SPNS3: variants seen among roughly 807,000 people sequenced by gnomAD.
SPNS3 encodes SPNS lysolipid transporter 3, sphingosine-1-phosphate (putative).
A neutral mutation model predicts 54.4 loss-of-function variants in SPNS3; 51 were observed. The ratio of observed to expected loss-of-function variants is 0.94; its 90% CI spans 0.75 to 1.18. The LOEUF is 1.18. Among genes scored for constraint, SPNS3 ranks in the 50% most tolerant of loss-of-function variants. SPNS3 has a pLI of 0.00. For missense variants in SPNS3, 669 were observed against 677.4 expected, an observed-to-expected ratio of 0.99 and a Z score of 0.14; for synonymous variants, 309 against 294.7, an observed-to-expected ratio of 1.05 and a Z score of -0.50.
intron 8 of SPNS3, among the ~76,000 whole-genome samples, chr17:4,455,689 C>G (rs939795636): frequency 6.6e-6 from 1 of 152,204 alleles, no homozygotes; most frequent in African/African-American, 2.4e-5. Flanking sequence ...TCCCCTCCCA[C>G]GACACTGCAG....
At chr17:4,468,712 C>CTT (rs1344340691) in intron 8 of SPNS3, among the ~76,000 whole-genome samples, 5 of 114,582 alleles carry the variant, frequency 4.4e-5, no homozygotes, top group Non-Finnish European at 8.0e-5. Context: ...TTATTTCTCT[C>CTT]TCTCTTTCTT....
intron 8 of SPNS3, among the ~76,000 whole-genome samples, chr17:4,471,380 A>G (rs1567571482): frequency 6.6e-6 from 1 of 152,130 alleles, no homozygotes; most frequent in Non-Finnish European, 1.5e-5. Context: ...ATGATTAAGG[A>G]GTTTTTATCT....
rs749668966 is a variant in SPNS3, at chr17:4,487,864, G to A, written c.1509G>A (p.Ser503=). 1.1e-5 allele frequency: 18 copies of A among 1,613,968 alleles called. No homozygotes were observed. The East Asian group carries it at 1.3e-4, about 12-fold the overall frequency. The part of the protein sequence containing the change: ...SNDLERQGLL[S]GAGASTEEP ...ACCTGGAGAGACAAGGCCTACTTTC[G>A]GGCGCTGGCGCCTCTACAGAGGAGC... Residue 503 remains serine (S), a synonymous_variant, in exon 12 of 12, where the codon TCG becomes TCA. Transcript: ENST00000355530.
intron 8 of SPNS3, among the ~76,000 whole-genome samples, chr17:4,463,196 A>G (rs1160588598): frequency 3.3e-5 from 5 of 151,474 alleles, no homozygotes; most frequent in Admixed American, 2.6e-4. Context: ...TCAGGAGTTC[A>G]AGACCAGCCT....
chr17:4,456,905 G>A (rs1252679026), intron 8 of SPNS3, among the ~76,000 whole-genome samples: 2 of 152,148 alleles, frequency 1.3e-5, no homozygotes, highest in African/African-American at 4.8e-5. Flanking sequence ...GGTAGAGATG[G>A]TGTTTCACCA....
chr17:4,478,837 C>T (rs916324859), intron 9 of SPNS3, among the ~76,000 whole-genome samples, 200 bp downstream of exon 9: 1 of 152,188 alleles, frequency 6.6e-6, no homozygotes, highest in African/African-American at 2.4e-5. Flanking sequence ...TGCAGATGAA[C>T]AAATGGAGGT....
At position 4,473,886 on chromosome 17, in the gene SPNS3, G is replaced by A. The variant is rs143061697; in HGVS notation, c.1114-4686G>A. 4.8e-3 allele frequency among the ~76,000 whole-genome samples: 732 copies of A among 152,250 alleles called. 4 individuals carry two copies. Among genetic ancestry groups the A allele is most frequent in the Non-Finnish European group, 8.1e-3 (552 of 68,010 alleles). ...GCTCTGTGGCCCCTGGAGTGGTGCG[G>A]AAACCTGGGCTATGTGAGCTCCCCA... On this transcript the variant is annotated intron_variant, in intron 8 of 11. Transcript: ENST00000355530.
intron 8 of SPNS3, among the ~76,000 whole-genome samples, chr17:4,455,917 T>TGGGGGGGGGGG (rs10531598): frequency 6.6e-6 from 1 of 150,744 alleles, no homozygotes; most frequent in African/African-American, 2.5e-5. Flanking sequence ...CTGCCCTCTG[T>TGGGGGGGGGGG]GGGGGGGGGG....
In SPNS3 at chr17:4,483,290, G is replaced by A. The variant is rs1472278074; in HGVS notation, c.1180-2938G>A. Among the ~76,000 whole-genome samples, 1 of 152,210 alleles carries A rather than the reference G, an allele frequency of 6.6e-6. No individual in the cohort carries two copies. The highest frequency in any genetic ancestry group is 1.5e-5 in the Non-Finnish European group (1 of 68,034). On this transcript the variant is annotated intron_variant, in intron 9 of 11. Transcript: ENST00000355530. The surrounding 1 kb of genome is among the most constrained non-coding windows in gnomAD (Gnocchi z 4.2). ...TTCTAAGAAGGGAGAGCCAGAAACA[G>A]AGGTGTTTTTGTCTCAGAATAGAGT...
At chr17:4,445,222 C>T (rs907132906) in intron 3 of SPNS3, 54 bp downstream of exon 3, 38 of 1,547,802 alleles carry the variant, frequency 2.5e-5, no homozygotes, top group Non-Finnish European at 3.2e-5. Flanking sequence ...CACCTGCTTC[C>T]TCCCTGATTC....
In SPNS3 at chr17:4,448,181, C is replaced by T; in HGVS notation, c.648C>T (p.Ala216=). The T allele has an allele frequency of 6.2e-7, 1 of 1,601,516 alleles. No homozygotes were observed. The highest frequency in any genetic ancestry group is 8.5e-7 in the Non-Finnish European group (1 of 1,174,612). ...LRVMPCLEAV[A]LILLILLVPD... ...TCATGCCCTGCCTGGAGGCCGTGGC[C>T]TTGATCCTGCTTATCCTGCTGGTTC... Residue 216 remains alanine, a synonymous_variant, in exon 6 of 12, where the codon GCC becomes GCT. Transcript: ENST00000355530.
intron 8 of SPNS3, among the ~76,000 whole-genome samples, chr17:4,455,647 C>T (rs1971291634): frequency 6.7e-6 from 1 of 149,708 alleles, no homozygotes; most frequent in African/African-American, 2.4e-5. Flanking sequence ...TGTAGGATGT[C>T]GGGAAGGGAG....
At chr17:4,456,697 G>T (rs1246279546) in intron 8 of SPNS3, among the ~76,000 whole-genome samples, 1 of 148,590 alleles carries the variant, frequency 6.7e-6, no homozygotes, top group East Asian at 2.0e-4. Flanking sequence ...TGTGTTTTTT[G>T]GTTTTTGTTT....
chr17:4,452,917 A>C lies in SPNS3; in HGVS notation c.924-99A>C, dbSNP rs1971204265. ...ATTCCCTGTAGACACCAGATCATGC[A>C]CTTGAGCCGAGGGGCTAGACCTGGG... On this transcript the variant is annotated intron_variant, in intron 7 of 11. Coordinates refer to ENST00000355530, the MANE Select transcript of SPNS3 (RefSeq NM_182538.5). 8 of 1,184,292 alleles carry C rather than the reference A, an allele frequency of 6.8e-6. No homozygotes were observed. The East Asian group carries it at 1.9e-4, about 28-fold the overall frequency. 73.4% of individuals were successfully genotyped at this position (1,184,292 alleles called of 1,614,324 possible). A position where few individuals can be genotyped will look rare whatever the true frequency, so the allele number is the denominator to read the frequency against.
At chr17:4,480,334 G>A (rs926505310) in intron 9 of SPNS3, among the ~76,000 whole-genome samples, 9 of 152,356 alleles carry the variant, frequency 5.9e-5, no homozygotes, top group African/African-American at 1.7e-4. Context: ...CCACCTGCCC[G>A]GTAGGGTGAG....
At chr17:4,468,506 G>A (rs1289371357) in intron 8 of SPNS3, among the ~76,000 whole-genome samples, 1 of 151,954 alleles carries the variant, frequency 6.6e-6, no homozygotes, top group East Asian at 1.9e-4. Context: ...GGAGTCCAGG[G>A]CGGCTCCAAG....
chr17:4,447,082 G>C, intron 5 of SPNS3, 120 bp downstream of exon 5: 1 of 1,014,186 alleles, frequency 9.9e-7, no homozygotes, highest in African/African-American at 1.6e-5. Context: ...ACGGGGGGTG[G>C]TGGTCAGGCA....
At chr17:4,434,436 G>A (rs1970662011) in intron 1 of SPNS3, among the ~76,000 whole-genome samples, 1 of 152,172 alleles carries the variant, frequency 6.6e-6, no homozygotes, top group African/African-American at 2.4e-5. Flanking sequence ...GAGGCAGGAA[G>A]ATTGCTTGAG....
At chr17:4,480,669 G>A (rs333130) in intron 9 of SPNS3, among the ~76,000 whole-genome samples, 43,987 of 152,140 alleles carry the variant, frequency 0.29, 7,454 homozygotes, top group Admixed American at 0.39. Flanking sequence ...TGGAGAGGGC[G>A]GGTGGGGGAA....
Sources: allele counts gnomAD v4.1 joint callset (sites outside exome capture counted in the v4.1 genomes callset), GRCh38; gene constraint gnomAD v4.1.1; non-coding constraint Gnocchi (gnomAD v3.1); transcripts MANE v1.5; gene names NCBI Gene and HGNC (gene_info 2026-07-23, HGNC 2026-07-21).